Variants in MED13L observed in about 807,000 individuals in gnomAD.
MED13L encodes mediator of RNA polymerase II transcription subunit 13-like.
Under a neutral mutation model 220.9 loss-of-function variants are expected in MED13L, and 7 were observed. The observed-to-expected ratio is 0.03, with a 90% CI of 0.02 to 0.06. MED13L has a LOEUF of 0.06. Among genes scored for constraint, MED13L ranks in the 10% least tolerant of loss-of-function variants. The pLI is 1.00. For missense variants in MED13L, 1,965 were observed against 2,760.5 expected (o/e 0.71, Z 6.46); for synonymous variants, 1,011 against 1,015.2 (o/e 1.00, Z 0.08).
chr12:115,981,971 C>A (rs973686495), intron 22 of MED13L: 2 of 196,466 alleles, frequency 1.0e-5, no homozygotes, highest in Non-Finnish European at 2.1e-5. Flanking sequence ...ATCTGAAATC[C>A]AAAATGCACC....
intron 2 of MED13L, among the ~76,000 whole-genome samples, chr12:116,166,407 C>A (rs748522968): frequency 2.0e-4 from 30 of 152,092 alleles, no homozygotes; most frequent in Non-Finnish European, 3.5e-4. Flanking sequence ...GAGAATCCTG[C>A]CTAATACAGC....
chr12:116,154,101 C>T (rs185341961), intron 2 of MED13L, among the ~76,000 whole-genome samples: 101 of 152,294 alleles, frequency 6.6e-4, no homozygotes, highest in African/African-American at 2.3e-3. Context: ...AAATGCTGTG[C>T]TAACTGATTT....
intron 1 of MED13L, among the ~76,000 whole-genome samples, chr12:116,260,082 T>C (rs1429436593): frequency 6.6e-6 from 1 of 152,180 alleles, no homozygotes; most frequent in Non-Finnish European, 1.5e-5. Flanking sequence ...ACAGTTTTCA[T>C]TTCTTGGAAG....
intron 4 of MED13L, among the ~76,000 whole-genome samples, chr12:116,092,460 G>A (rs569101417): frequency 6.6e-6 from 1 of 152,192 alleles, no homozygotes; most frequent in East Asian, 1.9e-4. Context: ...TCAGAAAATG[G>A]AATAGCAGGT....
At chr12:116,188,940 A>G (rs759633285) in intron 2 of MED13L, among the ~76,000 whole-genome samples, 2 of 152,208 alleles carry the variant, frequency 1.3e-5, no homozygotes, top group Non-Finnish European at 2.9e-5. Flanking sequence ...TTGTATGGAT[A>G]TACAGTTTAA....
chr12:116,205,379 T>C (rs1285961300), intron 2 of MED13L, among the ~76,000 whole-genome samples: 1 of 151,280 alleles, frequency 6.6e-6, no homozygotes, highest in Non-Finnish European at 1.5e-5. Context: ...ACAGAACTAG[T>C]CCTCTTCTCA....
chr12:116,248,454 C>G (rs946748402), intron 1 of MED13L, among the ~76,000 whole-genome samples: 2 of 152,036 alleles, frequency 1.3e-5, no homozygotes, highest in Non-Finnish European at 2.9e-5. Context: ...AGAGTGGCTT[C>G]AAATATCAAA....
chr12:116,074,115 C>T (rs757768495), intron 4 of MED13L, among the ~76,000 whole-genome samples: 12 of 152,222 alleles, frequency 7.9e-5, no homozygotes, highest in Non-Finnish European at 1.8e-4. Context: ...TGAAGTCTGG[C>T]CGGGCATGGT....
At chr12:116,083,539 G>A (rs372046177) in intron 4 of MED13L, among the ~76,000 whole-genome samples, 3 of 152,074 alleles carry the variant, frequency 2.0e-5, no homozygotes, top group Admixed American at 6.6e-5. Context: ...CACACTAAGA[G>A]TGTAATTAAG....
chr12:116,171,297 A>G (rs1879667243), intron 2 of MED13L, among the ~76,000 whole-genome samples: 1 of 152,210 alleles, frequency 6.6e-6, no homozygotes, highest in Non-Finnish European at 1.5e-5. Flanking sequence ...TTTTCATCAC[A>G]GAGATTTCTT....
rs1379037260 is a variant in MED13L, at chr12:116,277,433, CTTGT to C, written c.-306_-303del. ...CCGCCGCTGCTGCCGCTGCCGCCGC[CTTGT>C]TTATCTCCAGCCACCGACTCCCCCT... On this transcript the variant is annotated 5_prime_UTR_variant, in exon 1 of 31. Transcript: ENST00000281928. 4.9e-5 allele frequency: 2 copies of C among 40,440 alleles called. No individual in the cohort carries two copies. Among genetic ancestry groups the C allele is most frequent in the Non-Finnish European group, 9.7e-5 (2 of 20,572 alleles). 2.5% of individuals were successfully genotyped at this position (40,440 alleles called of 1,614,324 possible).
At chr12:116,108,120 A>C (rs1873749254) in intron 3 of MED13L, among the ~76,000 whole-genome samples, 1 of 151,974 alleles carries the variant, frequency 6.6e-6, no homozygotes, top group South Asian at 2.1e-4. Flanking sequence ...CAAAAAAAAA[A>C]AACCCCTCAG....
chr12:116,039,145 T>C (rs1276315979), intron 4 of MED13L, among the ~76,000 whole-genome samples: 1 of 152,254 alleles, frequency 6.6e-6, no homozygotes, highest in African/African-American at 2.4e-5. Flanking sequence ...GTTATATTTT[T>C]AAAGGCACTG....
rs1344076513 is a variant in MED13L at position 116,008,485 on chromosome 12, T to C, written c.1928A>G (p.Asp643Gly). The change falls in exon 10 of 31, where the codon GAT (aspartate) becomes GGT (glycine). Residue 643 changes from aspartate to glycine, a missense_variant. Coordinates refer to ENST00000281928, the MANE Select transcript of MED13L (RefSeq NM_015335.5). ...WHSYRLPPSD[D>G]AEFRPPELQG... ...GAGCTCTGGAGGCCTGAACTCAGCA[T>C]CATCACTGGGTGGGAGACGATAACT... 1.9e-6 allele frequency: 3 copies of C among 1,613,718 alleles called. No individual in the cohort carries two copies. Among genetic ancestry groups the C allele is most frequent in the Non-Finnish European group, 2.5e-6 (3 of 1,179,970 alleles).
intron 4 of MED13L, among the ~76,000 whole-genome samples, chr12:116,058,628 A>G (rs1055730235): frequency 6.6e-6 from 1 of 152,346 alleles, no homozygotes; most frequent in Middle Eastern, 3.4e-3. Context: ...AAAAGATGCA[A>G]TAAGAGACCT....
chr12:116,173,983 A>ACAGTG (rs1879870404), intron 2 of MED13L, among the ~76,000 whole-genome samples: 1 of 152,116 alleles, frequency 6.6e-6, no homozygotes, highest in African/African-American at 2.4e-5. Flanking sequence ...AGTCCCAACT[A>ACAGTG]CTTGGGAGGC....
intron 4 of MED13L, among the ~76,000 whole-genome samples, chr12:116,037,215 A>C (rs764994538): frequency 2.6e-5 from 4 of 152,194 alleles, no homozygotes; most frequent in Non-Finnish European, 4.4e-5. Context: ...CCTAATCCAA[A>C]AATCAGAAAT....
At chr12:116,208,634 G>GA (rs1371555097) in intron 2 of MED13L, among the ~76,000 whole-genome samples, 1 of 152,194 alleles carries the variant, frequency 6.6e-6, no homozygotes, top group Non-Finnish European at 1.5e-5. Flanking sequence ...ACTCACAGCA[G>GA]AAAGAGGATA....
Position 115,996,800 on chromosome 12 carries a change from T to A in MED13L, c.2791-119A>T, listed in dbSNP as rs1217037717. Reference sequence around the variant, plus strand: ...TGATCGTATTTCAGTATTTCTCTCCTATGATCATTAGAAAATGCTAATGCA... The same window carrying A: ...TGATCGTATTTCAGTATTTCTCTCCAATGATCATTAGAAAATGCTAATGCA... On this transcript the variant is annotated intron_variant, in intron 15 of 30. Coordinates refer to ENST00000281928, the MANE Select transcript of MED13L (RefSeq NM_015335.5). The A allele has an allele frequency of 7.4e-6, 8 of 1,081,234 alleles. No homozygotes were observed. In the East Asian group the frequency reaches 1.8e-4, roughly 24 times the overall value. 67.0% of individuals were successfully genotyped at this position (1,081,234 alleles called of 1,614,324 possible). A position where few individuals can be genotyped will look rare whatever the true frequency, so the allele number is the denominator to read the frequency against.
Sources: gnomAD v4.1 joint callset for allele counts (sites outside exome capture counted in the v4.1 genomes callset) on GRCh38, gnomAD v4.1.1 for gene constraint, MANE v1.5 for transcripts, NCBI Gene and HGNC (gene_info 2026-07-23, HGNC 2026-07-21) for gene names.